The following ATP13A5 variants were observed in gnomAD, a reference collection of about 807,000 sequenced individuals.
The protein encoded by ATP13A5 is ATPase 13A5, also known as probable cation-transporting ATPase 13A5.
In ATP13A5, 149 loss-of-function variants were observed where a neutral mutation model predicts 150.2. The ratio of observed to expected loss-of-function variants is 0.99; its 90% CI spans 0.87 to 1.14. The LOEUF is 1.14. Ranked by LOEUF, ATP13A5 falls within the 50% of genes most tolerant of loss-of-function variation. The pLI is 0.00. For missense variants in ATP13A5, 1,383 were observed against 1,449.3 expected (o/e 0.95, Z 0.74); for synonymous variants, 497 against 522.2 (o/e 0.95, Z 0.66).
chr3:193,351,260 G>A, intron 6 of ATP13A5, 59 bp from the exon 7 acceptor site: 1 of 1,581,370 alleles, frequency 6.3e-7, no homozygotes, highest in Non-Finnish European at 8.6e-7. Flanking sequence ...CAATCAAGAA[G>A]ATGTCATTTC....
At chr3:193,280,358 TTTCTTAAACCAGTTAAAATA>T (rs1398758330) in intron 27 of ATP13A5, among the ~76,000 whole-genome samples, 4 of 152,136 alleles carry the variant, frequency 2.6e-5, no homozygotes, top group African/African-American at 9.7e-5. Flanking sequence ...GCCTCCAATT[TTTCTTAAACCAGTTAAAATA>T]CCACTTCCTC....
chr3:193,363,269 G>A lies in ATP13A5; in HGVS notation c.351C>T (p.Val117=). 6.2e-7 allele frequency: 1 copy of A among 1,613,882 alleles called. No homozygotes were observed. The highest frequency in any genetic ancestry group is 2.2e-5 in the East Asian group (1 of 44,868). The change falls in exon 3 of 30, where the codon GTC becomes GTT. Residue 117 remains valine (V), a synonymous_variant. Transcript: ENST00000342358. The stretch of plus-strand genomic sequence containing the variant: ...CTGGCTTTATTAAGGCTTGGTTTAT[G>A]ACAGAGTGGCGGTCAGCCACCAGGG... The part of the protein sequence containing the change: ...EESLVADRHS[V]INQALIKPEL...
At chr3:193,282,356 A>T (rs931455902) in intron 27 of ATP13A5, among the ~76,000 whole-genome samples, 2 of 152,134 alleles carry the variant, frequency 1.3e-5, no homozygotes, top group African/African-American at 2.4e-5. Flanking sequence ...TATAAGCAAA[A>T]ATATAAAATA....
chr3:193,278,974 ACTGT>A (rs1426650228), intron 28 of ATP13A5, among the ~76,000 whole-genome samples: 1 of 152,158 alleles, frequency 6.6e-6, no homozygotes, highest in Non-Finnish European at 1.5e-5. Context: ...ACAAAACATG[ACTGT>A]CTTATAAGTC....
intron 1 of ATP13A5, among the ~76,000 whole-genome samples, chr3:193,375,876 T>G (rs1012192466): frequency 6.6e-6 from 1 of 152,206 alleles, no homozygotes; most frequent in African/African-American, 2.4e-5. Context: ...CTTAGGCTCT[T>G]CATGGGTGTT....
At chr3:193,353,146 C>A (rs1390869803) in intron 6 of ATP13A5, among the ~76,000 whole-genome samples, 3 of 151,944 alleles carry the variant, frequency 2.0e-5, no homozygotes, top group African/African-American at 7.3e-5. Context: ...CTGGGCTAAG[C>A]CTCAAGCTGG....
chr3:193,373,560 C>T (rs1054223452), intron 1 of ATP13A5, among the ~76,000 whole-genome samples: 1 of 152,178 alleles, frequency 6.6e-6, no homozygotes, highest in African/African-American at 2.4e-5. Context: ...ATCCTCAACA[C>T]CAATCTCACT....
At chr3:193,344,968 T>C (rs1560143225) in intron 8 of ATP13A5, 35 bp downstream of exon 8, 4 of 1,566,846 alleles carry the variant, frequency 2.6e-6, no homozygotes, top group Non-Finnish European at 3.5e-6. Flanking sequence ...CCCTGAAATA[T>C]TAAGATGCTG....
At chr3:193,366,277 T>A (rs1352631) in intron 1 of ATP13A5, among the ~76,000 whole-genome samples, 2 of 151,962 alleles carry the variant, frequency 1.3e-5, no homozygotes, top group African/African-American at 2.4e-5. Flanking sequence ...TAAATGCATG[T>A]GGCCTTAATG....
chr3:193,306,979 A>AG lies in ATP13A5; in HGVS notation c.2568+347dup, dbSNP rs577287662. On this transcript the variant is annotated intron_variant, in intron 22 of 29. Transcript: ENST00000342358. The stretch of plus-strand genomic sequence containing the variant: ...TCTTTATCAGTTGTGTGACCTTGGG[A>AG]GGGGGGAAGAAATCACCTCCTTGAG... 643 of 406,456 alleles carry AG rather than the reference A, an allele frequency of 1.6e-3. 6 individuals carry two copies. Among genetic ancestry groups the AG allele is most frequent in the African/African-American group, 0.013 (612 of 46,282 alleles). 25.2% of individuals were successfully genotyped at this position (406,456 alleles called of 1,614,324 possible).
chr3:193,284,238 T>C (rs1717625217), intron 27 of ATP13A5, among the ~76,000 whole-genome samples: 3 of 151,944 alleles, frequency 2.0e-5, no homozygotes. Context: ...TTGCCCAGGC[T>C]AGTCTCAAAC....
intron 5 of ATP13A5, among the ~76,000 whole-genome samples, chr3:193,360,822 A>G (rs2108899378): frequency 6.6e-6 from 1 of 152,220 alleles, no homozygotes; most frequent in African/African-American, 2.4e-5. Flanking sequence ...GACTACAGGT[A>G]CAGGCCACCA....
intron 1 of ATP13A5, among the ~76,000 whole-genome samples, chr3:193,374,313 G>GAA (rs1553824513): frequency 6.8e-6 from 1 of 147,130 alleles, no homozygotes; most frequent in Non-Finnish European, 1.5e-5. Context: ...GAGAGAGAGA[G>GAA]AGGAAAGATT....
chr3:193,373,854 C>G (rs1041346714), intron 1 of ATP13A5, among the ~76,000 whole-genome samples: 1 of 152,166 alleles, frequency 6.6e-6, no homozygotes, highest in Non-Finnish European at 1.5e-5. Context: ...AAAATTACTT[C>G]GAAGCAAAAT....
intron 16 of ATP13A5, among the ~76,000 whole-genome samples, chr3:193,320,653 A>C (rs902325477): frequency 6.6e-6 from 1 of 152,248 alleles, no homozygotes; most frequent in Admixed American, 6.5e-5. Flanking sequence ...AAGACTCCCA[A>C]TAGAGAAGTT....
At chr3:193,352,499 T>G (rs1243031769) in intron 6 of ATP13A5, among the ~76,000 whole-genome samples, 1 of 152,158 alleles carries the variant, frequency 6.6e-6, no homozygotes, top group East Asian at 1.9e-4. Flanking sequence ...CTTGGTTTTT[T>G]TTTTCTTTCT....
At chr3:193,290,794 C>G (rs897301551) in intron 25 of ATP13A5, among the ~76,000 whole-genome samples, 1 of 152,072 alleles carries the variant, frequency 6.6e-6, no homozygotes, top group African/African-American at 2.4e-5. Context: ...ACGACTACAT[C>G]CTTAGTAGCT....
At chr3:193,351,259 A>G in intron 6 of ATP13A5, 58 bp from the exon 7 acceptor site, 1 of 1,584,904 alleles carries the variant, frequency 6.3e-7, no homozygotes, top group South Asian at 1.1e-5. Flanking sequence ...GCAATCAAGA[A>G]GATGTCATTT....
chr3:193,363,278 G>A lies in ATP13A5; in HGVS notation c.342C>T (p.Arg114=). 1.1e-5 allele frequency: 17 copies of A among 1,613,858 alleles called. No individual in the cohort carries two copies. The highest frequency in any genetic ancestry group is 1.4e-5 in the Non-Finnish European group (17 of 1,179,802). The change falls in exon 3 of 30, where the codon CGC becomes CGT. Residue 114 remains arginine (R), a synonymous_variant. Transcript: ENST00000342358. ...KKWEESLVAD[R]HSVINQALIK... is the part of the protein sequence containing the mutation. ...TTAAGGCTTGGTTTATGACAGAGTG[G>A]CGGTCAGCCACCAGGGATTCTTCCC...
Sources: gnomAD v4.1 joint callset for allele counts (sites outside exome capture counted in the v4.1 genomes callset) on GRCh38, gnomAD v4.1.1 for gene constraint, MANE v1.5 for transcripts, NCBI Gene and HGNC (gene_info 2026-07-23, HGNC 2026-07-21) for gene names.